BCKDHB: variants seen among roughly 807,000 people sequenced by gnomAD.
BCKDHB encodes branched chain keto acid dehydrogenase E1 subunit beta.
Under a neutral mutation model 48.5 loss-of-function variants are expected in BCKDHB, and 41 were observed. That is an observed-to-expected ratio of 0.85 (90% CI 0.66 to 1.10). The LOEUF is 1.10. BCKDHB is among the 50% of genes least tolerant of loss of function. The pLI, the probability that BCKDHB is intolerant of heterozygous loss-of-function variation, is 0.00. For synonymous variants in BCKDHB, 201 were observed against 174.8 expected (o/e 1.15, Z -1.18); for missense variants, 496 against 494.2 (o/e 1.00, Z -0.03).
the BCKDHB span, among the ~76,000 whole-genome samples, chr6:80,397,287 A>T: frequency 6.6e-6 from 1 of 152,156 alleles, no homozygotes; most frequent in African/African-American, 2.4e-5. Context: ...ACAATCACTT[A>T]TATACCCACC....
chr6:80,266,061 G>A (rs1777500763), intron 8 of BCKDHB, among the ~76,000 whole-genome samples: 1 of 152,062 alleles, frequency 6.6e-6, no homozygotes, highest in Non-Finnish European at 1.5e-5. Context: ...AAGGACAGAA[G>A]GTGTGGAAGA....
At chr6:80,393,587 A>G in the BCKDHB span, among the ~76,000 whole-genome samples, 7 of 152,212 alleles carry the variant, frequency 4.6e-5, no homozygotes, top group African/African-American at 1.7e-4. Context: ...CAAATCTTAC[A>G]GTTGTTTATA....
Position 80,257,433 on chromosome 6 carries a change from C to CATAT in BCKDHB, c.952-15687_952-15684dup, listed in dbSNP as rs58367109. Among the ~76,000 whole-genome samples the CATAT allele has an allele frequency of 5.3e-3, 785 of 146,806 alleles. 5 individuals carry two copies. Among genetic ancestry groups the CATAT allele is most frequent in the African/African-American group, 0.018 (735 of 40,244 alleles). On this transcript the variant is annotated intron_variant, in intron 8 of 9. Coordinates refer to ENST00000320393, the MANE Select transcript of BCKDHB (RefSeq NM_183050.4). Reference sequence around the variant, plus strand: ...AATTCATATATATTCCTTAAAGATACATATATATATATATATATGAATATA... The same window carrying CATAT: ...AATTCATATATATTCCTTAAAGATACATATATATATATATATATATATGAATATA...
chr6:80,283,926 G>A (rs1430455998), intron 9 of BCKDHB, among the ~76,000 whole-genome samples: 1 of 152,028 alleles, frequency 6.6e-6, no homozygotes, highest in Non-Finnish European at 1.5e-5. Flanking sequence ...AACATTTTAG[G>A]CAAAAATGAA....
chr6:80,258,597 TCCCCCAGGCA>T (rs1562181605), intron 8 of BCKDHB, among the ~76,000 whole-genome samples: 2 of 152,084 alleles, frequency 1.3e-5, no homozygotes, highest in Admixed American at 1.3e-4. Context: ...GCTCTGAGGC[TCCCCCAGGCA>T]CCGGGAGAGT....
chr6:80,410,370 G>A, the BCKDHB span, among the ~76,000 whole-genome samples: 21 of 152,154 alleles, frequency 1.4e-4, no homozygotes, highest in Non-Finnish European at 2.4e-4. Context: ...CTCTCTGGCT[G>A]CCCTTAACAT....
At chr6:80,364,746 A>G in the BCKDHB span, among the ~76,000 whole-genome samples, 1 of 152,220 alleles carries the variant, frequency 6.6e-6, no homozygotes, top group Non-Finnish European at 1.5e-5. Flanking sequence ...TTGGCAATTC[A>G]TAGAAACACA....
intron 8 of BCKDHB, among the ~76,000 whole-genome samples, chr6:80,246,862 T>C (rs978535290): frequency 6.6e-6 from 1 of 151,764 alleles, no homozygotes; most frequent in East Asian, 1.9e-4. Context: ...CACACATACA[T>C]AGACAAACTC....
chr6:80,399,564 G>A, the BCKDHB span, among the ~76,000 whole-genome samples: 1 of 152,022 alleles, frequency 6.6e-6, no homozygotes, highest in African/African-American at 2.4e-5. Flanking sequence ...TCTACAAGGA[G>A]AACTACAAAA....
the BCKDHB span, among the ~76,000 whole-genome samples, chr6:80,420,785 A>T: frequency 6.6e-6 from 1 of 152,150 alleles, no homozygotes; most frequent in African/African-American, 2.4e-5. Context: ...TCTGGGTGGG[A>T]TGAGGCCTAA....
intron 3 of BCKDHB, among the ~76,000 whole-genome samples, chr6:80,149,249 G>A (rs1015010938): frequency 7.9e-5 from 12 of 152,162 alleles, no homozygotes; most frequent in African/African-American, 2.4e-4. Context: ...TCAGAGGAAT[G>A]CAAATCAAAA....
At chr6:80,374,063 C>A in the BCKDHB span, 6 of 682,388 alleles carry the variant, frequency 8.8e-6, no homozygotes, top group South Asian at 8.1e-5. Context: ...TCTGGGATAT[C>A]TTTTTCTTCT....
chr6:80,403,089 T>G, the BCKDHB span, among the ~76,000 whole-genome samples: 3 of 151,856 alleles, frequency 2.0e-5, no homozygotes, highest in Non-Finnish European at 4.4e-5. Context: ...CTATTCTGTA[T>G]CTTTTGTGAT....
intron 8 of BCKDHB, among the ~76,000 whole-genome samples, chr6:80,224,946 C>A (rs574469817): frequency 1.3e-5 from 2 of 152,308 alleles, no homozygotes; most frequent in African/African-American, 4.8e-5. Context: ...GCAACCAGTT[C>A]TTTTGTTGTG....
intron 9 of BCKDHB, among the ~76,000 whole-genome samples, chr6:80,319,422 G>T (rs1213125427): frequency 6.6e-6 from 1 of 152,126 alleles, no homozygotes; most frequent in Non-Finnish European, 1.5e-5. Context: ...CAATATTATT[G>T]TAATGTATCA....
chr6:80,248,757 A>G (rs987105925), intron 8 of BCKDHB, among the ~76,000 whole-genome samples: 1 of 152,166 alleles, frequency 6.6e-6, no homozygotes, highest in Non-Finnish European at 1.5e-5. Context: ...TGGCAGATCT[A>G]GGTATCATTA....
At chr6:80,232,604 C>T (rs1775974143) in intron 8 of BCKDHB, among the ~76,000 whole-genome samples, 1 of 149,440 alleles carries the variant, frequency 6.7e-6, no homozygotes, top group African/African-American at 2.5e-5. Flanking sequence ...TGTATATATA[C>T]TACATGTATT....
At chr6:80,230,200 G>A (rs893194514) in intron 8 of BCKDHB, among the ~76,000 whole-genome samples, 37 of 150,302 alleles carry the variant, frequency 2.5e-4, no homozygotes, top group African/African-American at 7.8e-4. Flanking sequence ...CACCACGCCC[G>A]GCTAATTTTT....
the BCKDHB span, among the ~76,000 whole-genome samples, chr6:80,463,868 T>C: frequency 6.6e-6 from 1 of 152,194 alleles, no homozygotes; most frequent in East Asian, 1.9e-4. Context: ...CACAAAGGCA[T>C]GCAGTTAGTA....
Sources: gnomAD v4.1 joint callset for allele counts (sites outside exome capture counted in the v4.1 genomes callset) on GRCh38, gnomAD v4.1.1 for gene constraint, MANE v1.5 for transcripts, NCBI Gene and HGNC (gene_info 2026-07-23, HGNC 2026-07-21) for gene names.